The following GLI2 variants were observed in gnomAD, a reference collection of about 807,000 sequenced individuals.
GLI2 encodes the protein transcription activator GLI2.
GLI2 carries 22 observed loss-of-function variants against 78.9 expected under a neutral mutation model. The ratio of observed to expected loss-of-function variants is 0.28; its 90% confidence interval spans 0.20 to 0.40. GLI2 has a LOEUF of 0.40. Among genes scored for constraint, GLI2 ranks in the 10% least tolerant of loss-of-function variants. GLI2 has a pLI of 1.00. For missense variants in GLI2, 2,097 were observed against 2,213.2 expected (o/e 0.95, Z 1.05); for synonymous variants, 974 against 963.7 (o/e 1.01, Z -0.20).
At chr2:120,814,300 G>C (rs935516161) in intron 2 of GLI2, among the ~76,000 whole-genome samples, 3 of 152,214 alleles carry the variant, frequency 2.0e-5, no homozygotes, top group African/African-American at 7.2e-5. Context: ...GATGGGGGTG[G>C]TAAGTGCTGA....
chr2:120,917,105 C>T (rs950135764), intron 2 of GLI2, among the ~76,000 whole-genome samples: 1 of 152,198 alleles, frequency 6.6e-6, no homozygotes, highest in African/African-American at 2.4e-5. Flanking sequence ...AGCTGACATC[C>T]AGCATCATTG....
intron 2 of GLI2, among the ~76,000 whole-genome samples, chr2:120,891,453 T>A (rs1419757686): frequency 6.6e-6 from 1 of 152,204 alleles, no homozygotes; most frequent in Non-Finnish European, 1.5e-5. Context: ...CATCGTAATG[T>A]GGATCAAACC....
chr2:120,765,112 T>C (rs1437803291), intron 1 of GLI2, among the ~76,000 whole-genome samples: 2 of 152,194 alleles, frequency 1.3e-5, no homozygotes, highest in Non-Finnish European at 2.9e-5. Flanking sequence ...AGGCTTTCCC[T>C]GAACCTCCCC....
chr2:120,906,133 C>T (rs1196401489), intron 2 of GLI2, among the ~76,000 whole-genome samples: 1 of 152,198 alleles, frequency 6.6e-6, no homozygotes, highest in East Asian at 1.9e-4. Context: ...TCTCAGGCAG[C>T]ACGGTGCGGG....
chr2:120,835,891 T>C (rs1686588931), intron 2 of GLI2, among the ~76,000 whole-genome samples: 1 of 152,220 alleles, frequency 6.6e-6, no homozygotes. Flanking sequence ...TGTACCTCCA[T>C]GCAGCTTAAC....
At chr2:120,963,459 G>A (rs1052469306) in intron 5 of GLI2, among the ~76,000 whole-genome samples, 10 of 152,288 alleles carry the variant, frequency 6.6e-5, no homozygotes, top group East Asian at 1.9e-4. Flanking sequence ...GTGTGTGCGC[G>A]CACGCGCATC....
At chr2:120,918,317 G>A (rs1679196075) in intron 2 of GLI2, among the ~76,000 whole-genome samples, 1 of 152,150 alleles carries the variant, frequency 6.6e-6, no homozygotes, top group Non-Finnish European at 1.5e-5. Context: ...CCTTATACTG[G>A]GAATGGAGGA....
At chr2:120,945,793 G>A (rs966323928) in intron 3 of GLI2, among the ~76,000 whole-genome samples, 3 of 152,104 alleles carry the variant, frequency 2.0e-5, no homozygotes, top group African/African-American at 7.2e-5. Flanking sequence ...TTGGGCACAT[G>A]CCTATCTTTG....
chr2:120,820,369 C>A lies in GLI2; in HGVS notation c.148+22901C>A, dbSNP rs146926447. Among the ~76,000 whole-genome samples the A allele has an allele frequency of 2.4e-3, 369 of 152,322 alleles. 2 individuals carry two copies. The highest frequency in any genetic ancestry group is 8.5e-3 in the African/African-American group (354 of 41,570). ...CTGTGCACTTTCATCCAGCTGGACGCCGGAGTTCCCTGGAAGCCGAGAGGG... is the reference window on the plus strand; with the variant it reads ...CTGTGCACTTTCATCCAGCTGGACGACGGAGTTCCCTGGAAGCCGAGAGGG... On this transcript the variant is annotated intron_variant, in intron 2 of 13. Transcript: ENST00000361492.
At chr2:120,815,275 T>G (rs1045311094) in intron 2 of GLI2, among the ~76,000 whole-genome samples, 1 of 152,084 alleles carries the variant, frequency 6.6e-6, no homozygotes, top group Non-Finnish European at 1.5e-5. Context: ...CGGGAAGTGT[T>G]TACTCATAAA....
chr2:120,845,450 C>G (rs1207772521), intron 2 of GLI2, among the ~76,000 whole-genome samples: 1 of 152,226 alleles, frequency 6.6e-6, no homozygotes, highest in Non-Finnish European at 1.5e-5. Flanking sequence ...AGCCAAGGCC[C>G]AGGCACGCCC....
chr2:120,785,768 A>G (rs962780034), intron 1 of GLI2, among the ~76,000 whole-genome samples: 2 of 152,122 alleles, frequency 1.3e-5, no homozygotes, highest in South Asian at 2.1e-4. Context: ...TCTCCATCCA[A>G]TCATGGCATA....
In GLI2 at chr2:120,989,100, T is replaced by C. The variant is rs1350842390; in HGVS notation, c.3135T>C (p.Leu1045=). Residue 1045 remains leucine (L), a synonymous_variant, in exon 14 of 14, where the codon CTT becomes CTC. Coordinates refer to ENST00000361492, the MANE Select transcript of GLI2 (RefSeq NM_001374353.1). ...DLGLPEDDLV[L]PDDVVQYIKA... The stretch of plus-strand genomic sequence containing the variant: ...GGCTGCCGGAGGACGACCTGGTGCT[T>C]CCAGACGACGTGGTGCAGTACATCA... 1.9e-6 allele frequency: 3 copies of C among 1,612,586 alleles called. No individual in the cohort carries two copies. The highest frequency in any genetic ancestry group is 1.7e-4 in the Middle Eastern group (1 of 6,060).
At chr2:120,894,426 A>G (rs1315423795) in intron 2 of GLI2, among the ~76,000 whole-genome samples, 1 of 152,124 alleles carries the variant, frequency 6.6e-6, no homozygotes, top group Non-Finnish European at 1.5e-5. Flanking sequence ...TTTAGCCTTG[A>G]GTATACGCAG....
At chr2:120,945,269 T>A (rs578203213) in intron 3 of GLI2, among the ~76,000 whole-genome samples, 1 of 152,272 alleles carries the variant, frequency 6.6e-6, no homozygotes, top group African/African-American at 2.4e-5. Context: ...CGCTGGTCGC[T>A]AACATGTGCA....
chr2:120,871,840 T>C (rs1383745613), intron 2 of GLI2, among the ~76,000 whole-genome samples: 1 of 152,204 alleles, frequency 6.6e-6, no homozygotes, highest in East Asian at 1.9e-4. Context: ...GACTTCAATA[T>C]TATTGCAAAT....
chr2:120,819,239 AT>A (rs10701244), intron 2 of GLI2, among the ~76,000 whole-genome samples: 70 of 116,688 alleles, frequency 6.0e-4, no homozygotes, highest in African/African-American at 1.6e-3. Context: ...ACTAATAGAG[AT>A]TTTTTTTTTT....
intron 1 of GLI2, among the ~76,000 whole-genome samples, chr2:120,786,678 G>A (rs905192219): frequency 6.6e-6 from 1 of 152,188 alleles, no homozygotes; most frequent in African/African-American, 2.4e-5. Flanking sequence ...ACAATGTAAG[G>A]GAAGGAAGGC....
At chr2:120,957,719 G>A (rs1194955549) in intron 5 of GLI2, among the ~76,000 whole-genome samples, 1 of 152,244 alleles carries the variant, frequency 6.6e-6, no homozygotes, top group African/African-American at 2.4e-5. Flanking sequence ...ATGAGCGTCT[G>A]TGTGTGCACG....
Sources: gnomAD v4.1 joint callset for allele counts (sites outside exome capture counted in the v4.1 genomes callset) on GRCh38, gnomAD v4.1.1 for gene constraint, MANE v1.5 for transcripts, NCBI Gene and HGNC (gene_info 2026-07-23, HGNC 2026-07-21) for gene names.